Variants in WIPI1 observed in about 807,000 individuals in gnomAD.
The protein encoded by WIPI1 is WD repeat domain, phosphoinositide interacting 1.
A neutral mutation model predicts 55.3 loss-of-function variants in WIPI1; 45 were observed. The ratio of observed to expected loss-of-function variants is 0.81; its 90% confidence interval spans 0.64 to 1.04. The LOEUF is 1.04. Among genes scored for constraint, WIPI1 ranks in the 50% least tolerant of loss-of-function variants. The pLI, the probability that WIPI1 is intolerant of heterozygous loss-of-function variation, is 0.00. For missense variants in WIPI1, 445 were observed against 559.0 expected (o/e 0.80, Z 2.06); for synonymous variants, 195 against 217.6 (o/e 0.90, Z 0.92).
At position 68,457,392 on chromosome 17, in the gene WIPI1, C is replaced by T. The variant is rs1166003744; in HGVS notation, c.30G>A (p.Pro10=). ...AGCTGAGCGCCGACTCAACCCCGCC[C>T]GGGGGAGCGTCCGCGGCCTCGGCCT... is the stretch of plus-strand genomic sequence containing the variant. MEAEAADAP[P]GGVESALSCF... The change falls in exon 1 of 13, where the codon CCG becomes CCA. Residue 10 remains proline, a synonymous_variant. Transcript: ENST00000262139. 8 of 1,534,654 alleles carry T rather than the reference C, an allele frequency of 5.2e-6. No individual in the cohort carries two copies. The African/African-American group carries it at 5.7e-5, about 11-fold the overall frequency.
chr17:68,435,762 T>C, intron 5 of WIPI1, 50 bp from the exon 6 acceptor site: 1 of 1,537,334 alleles, frequency 6.5e-7, no homozygotes, highest in Non-Finnish European at 9.0e-7. Context: ...GGAGGGAAGA[T>C]GGATTTCACC....
At chr17:68,433,651 T>A in intron 7 of WIPI1, 76 bp from the exon 8 acceptor site, 2 of 1,229,668 alleles carry the variant, frequency 1.6e-6, no homozygotes, top group Non-Finnish European at 1.2e-6. Flanking sequence ...AGATCAGCTT[T>A]ATAAGAAAAT....
chr17:68,455,322 C>CA lies in WIPI1; in HGVS notation c.80+2019_80+2020insT, dbSNP rs1326017949. Among the ~76,000 whole-genome samples the CA allele has an allele frequency of 3.9e-4, 59 of 150,056 alleles. 2 individuals carry two copies. Among genetic ancestry groups the CA allele is most frequent in the African/African-American group, 1.4e-3 (55 of 40,460 alleles). On this transcript the variant is annotated intron_variant, in intron 1 of 12. Transcript: ENST00000262139. ...GAGGCTGCACTGAGCCAAGACCACA[C>CA]CACTGCACTCCAGCCTGGGTGACAG...
At chr17:68,431,381 C>T (rs772595430) in intron 8 of WIPI1, among the ~76,000 whole-genome samples, 13 of 151,920 alleles carry the variant, frequency 8.6e-5, no homozygotes, top group Non-Finnish European at 1.9e-4. Context: ...TGGAGCCCGG[C>T]ACGTGGCGCA....
At chr17:68,432,177 G>GA (rs1449326618) in intron 8 of WIPI1, among the ~76,000 whole-genome samples, 1 of 152,218 alleles carries the variant, frequency 6.6e-6, no homozygotes, top group East Asian at 1.9e-4. Flanking sequence ...GAAGGAGCGA[G>GA]AAGGGAGCCG....
intron 7 of WIPI1, 33 bp downstream of exon 7, chr17:68,434,523 G>C (rs1162051360): frequency 1.2e-6 from 2 of 1,611,856 alleles, no homozygotes; most frequent in Non-Finnish European, 1.7e-6. Context: ...CTTCTGCGGG[G>C]ACTTTAAAAT....
chr17:68,444,597 C>T lies in WIPI1; in HGVS notation c.334-8G>A. On this transcript the variant is annotated splice_region_variant and splice_polypyrimidine_tract_variant and intron_variant, in intron 3 of 12. Transcript: ENST00000262139. ...TAGGCAAACCAGCAGCCTCTGTAATCACACAGACTTATCAGTCTACCGAAC... is the reference window on the plus strand; with the variant it reads ...TAGGCAAACCAGCAGCCTCTGTAATTACACAGACTTATCAGTCTACCGAAC... 1 of 1,610,218 alleles carries T rather than the reference C, an allele frequency of 6.2e-7. No individual in the cohort carries two copies. Among genetic ancestry groups the T allele is most frequent in the Non-Finnish European group, 8.5e-7 (1 of 1,177,902 alleles).
At chr17:68,435,222 A>T (rs1412619932) in intron 6 of WIPI1, among the ~76,000 whole-genome samples, 1 of 151,326 alleles carries the variant, frequency 6.6e-6, no homozygotes, top group East Asian at 1.9e-4. Context: ...AAAAAAAAAA[A>T]TTCAATTGGA....
At chr17:68,426,253 G>GGGGGGGGT in intron 11 of WIPI1, 78 bp from the exon 12 acceptor site, 2 of 841,014 alleles carry the variant, frequency 2.4e-6, no homozygotes, top group Non-Finnish European at 1.9e-6. Flanking sequence ...GGGGAGCGGG[G>GGGGGGGGT]GCTCAAATAA....
chr17:68,436,223 C>T (rs547394787), intron 5 of WIPI1, among the ~76,000 whole-genome samples, 159 bp downstream of exon 5: 1 of 152,286 alleles, frequency 6.6e-6, no homozygotes, highest in East Asian at 1.9e-4. Context: ...TCACAGCAAG[C>T]CCGAGGGGAA....
rs770440119 is a variant in WIPI1, at chr17:68,457,365, G to C, written c.57C>G (p.Cys19Trp). The change falls in exon 1 of 13, where the codon TGC (cysteine) becomes TGG (tryptophan). Residue 19 changes from cysteine (C) to tryptophan (W), a missense_variant. Coordinates refer to ENST00000262139, the MANE Select transcript of WIPI1 (RefSeq NM_017983.7). ...PPGGVESALSCFSFNQDCTSL... is the reference protein window; with the variant it reads ...PPGGVESALSWFSFNQDCTSL... ...ACGTGCAGTCCTGGTTGAAAGAGAAGCAGCTGAGCGCCGACTCAACCCCGC... is the reference window on the plus strand; with the variant it reads ...ACGTGCAGTCCTGGTTGAAAGAGAACCAGCTGAGCGCCGACTCAACCCCGC... The C allele has an allele frequency of 2.9e-5, 44 of 1,542,314 alleles. No individual in the cohort carries two copies. The African/African-American group carries it at 5.8e-4, about 20-fold the overall frequency.
chr17:68,450,443 C>A (rs187599045), intron 3 of WIPI1, among the ~76,000 whole-genome samples: 6 of 152,300 alleles, frequency 3.9e-5, no homozygotes, highest in African/African-American at 9.6e-5. Flanking sequence ...AGAGCTCTGA[C>A]CCATCCCTGC....
chr17:68,457,074 C>T (rs1001698532), intron 1 of WIPI1, among the ~76,000 whole-genome samples: 3 of 152,212 alleles, frequency 2.0e-5, no homozygotes, highest in Non-Finnish European at 4.4e-5. Context: ...CCCGCAGCCC[C>T]ACCACTCCCT....
intron 2 of WIPI1, among the ~76,000 whole-genome samples, chr17:68,452,519 C>T (rs2084535583): frequency 6.6e-6 from 1 of 152,080 alleles, no homozygotes; most frequent in South Asian, 2.1e-4. Flanking sequence ...GAGCCAAGAT[C>T]GTGCCACTGC....
intron 10 of WIPI1, 92 bp from the exon 11 acceptor site, chr17:68,427,345 C>G: frequency 1.0e-6 from 1 of 962,958 alleles, no homozygotes; most frequent in South Asian, 1.4e-5. Context: ...GAAGCCTGTG[C>G]TCAGCTCTGT....
chr17:68,432,924 G>T (rs1054685757), intron 8 of WIPI1, among the ~76,000 whole-genome samples: 11 of 152,230 alleles, frequency 7.2e-5, no homozygotes, highest in South Asian at 2.1e-4. Flanking sequence ...CTGCCCTGAA[G>T]TTCTTTTTAC....
chr17:68,444,682 T>G, intron 3 of WIPI1, 93 bp from the exon 4 acceptor site: 1 of 1,060,894 alleles, frequency 9.4e-7, no homozygotes, highest in Admixed American at 2.6e-5. Flanking sequence ...GAGTCCTAAC[T>G]TGATTCTAAG....
intron 3 of WIPI1, among the ~76,000 whole-genome samples, 156 bp from the exon 4 acceptor site, chr17:68,444,745 A>C (rs2084212737): frequency 6.6e-6 from 1 of 152,144 alleles, no homozygotes; most frequent in African/African-American, 2.4e-5. Flanking sequence ...ATGGATGTAC[A>C]CACATACACA....
At chr17:68,446,424 C>T (rs1027311159) in intron 3 of WIPI1, among the ~76,000 whole-genome samples, 2 of 152,106 alleles carry the variant, frequency 1.3e-5, no homozygotes, top group Non-Finnish European at 2.9e-5. Flanking sequence ...TCAAGAGCTC[C>T]TCCTGCCTCG....
Sources: gnomAD v4.1 joint callset for allele counts (sites outside exome capture counted in the v4.1 genomes callset) on GRCh38, gnomAD v4.1.1 for gene constraint, MANE v1.5 for transcripts, NCBI Gene and HGNC (gene_info 2026-07-23, HGNC 2026-07-21) for gene names.